The following FRS2 variants were observed in gnomAD, a reference collection of about 807,000 sequenced individuals.
FRS2 encodes fibroblast growth factor receptor substrate 2.
In FRS2, 8 loss-of-function variants were observed where a neutral mutation model predicts 43.9. That is an observed-to-expected ratio of 0.18 (90% CI 0.11 to 0.33). The LOEUF (loss-of-function observed/expected upper bound fraction) is 0.33. Ranked by LOEUF, FRS2 falls within the 10% of genes least tolerant of loss-of-function variation. The probability of loss-of-function intolerance (pLI) is 1.00; values close to 1 mark genes in which losing one functional copy is unlikely to be tolerated. For synonymous variants in FRS2, 219 were observed against 220.3 expected (o/e 0.99, Z 0.05); for missense variants, 534 against 627.6 (o/e 0.85, Z 1.59).
chr12:69,487,504 A>G (rs1872064076), intron 1 of FRS2, among the ~76,000 whole-genome samples: 1 of 152,236 alleles, frequency 6.6e-6, no homozygotes. Context: ...CCTACTGCCC[A>G]GAAGAAAAGA....
In FRS2 at chr12:69,572,154, A is replaced by G. The variant is rs868334433; in HGVS notation, c.449A>G (p.Tyr150Cys). 1.9e-6 allele frequency: 3 copies of G among 1,613,868 alleles called. No individual in the cohort carries two copies. The Middle Eastern group carries it at 4.9e-4, about 266-fold the overall frequency. ...GCTGCTCAGAACTTACCTAATGGATATCCCCGATATCCCTCATTTGGAGAT... is the reference window on the plus strand; with the variant it reads ...GCTGCTCAGAACTTACCTAATGGATGTCCCCGATATCCCTCATTTGGAGAT... ...GFAAQNLPNG[Y>C]PRYPSFGDAS... Residue 150 changes from tyrosine to cysteine, a missense_variant, in exon 8 of 9, where the codon TAT becomes TGT. Transcript: ENST00000549921.
intron 1 of FRS2, among the ~76,000 whole-genome samples, chr12:69,511,774 T>C (rs1874479881): frequency 6.6e-6 from 1 of 152,228 alleles, no homozygotes; most frequent in Non-Finnish European, 1.5e-5. Flanking sequence ...TTCTTCCATC[T>C]ATAAAATGGG....
intron 1 of FRS2, among the ~76,000 whole-genome samples, chr12:69,485,950 T>A (rs1038532373): frequency 4.6e-5 from 7 of 152,348 alleles, no homozygotes; most frequent in South Asian, 2.1e-4. Context: ...AACATTTTTT[T>A]ATTTTAACTA....
chr12:69,518,159 T>C (rs1875244820), intron 1 of FRS2, among the ~76,000 whole-genome samples: 3 of 152,214 alleles, frequency 2.0e-5, no homozygotes, highest in Admixed American at 6.5e-5. Flanking sequence ...CTTTGAGATA[T>C]GGATTTATTG....
intron 4 of FRS2, among the ~76,000 whole-genome samples, chr12:69,568,271 G>A (rs577484632): frequency 2.6e-5 from 4 of 152,274 alleles, no homozygotes; most frequent in East Asian, 1.9e-4. Context: ...TGCGCTATTC[G>A]AAATTTGATT....
intron 3 of FRS2, 66 bp from the exon 4 acceptor site, chr12:69,562,114 G>A (rs961484355): frequency 2.5e-6 from 1 of 395,566 alleles, no homozygotes; most frequent in Non-Finnish European, 4.5e-6. Flanking sequence ...TGTGCTGCCA[G>A]AAAGCTCATA....
intron 3 of FRS2, among the ~76,000 whole-genome samples, chr12:69,553,228 C>T (rs1322340930): frequency 2.6e-5 from 4 of 151,942 alleles, no homozygotes; most frequent in African/African-American, 4.8e-5. Flanking sequence ...CCCACCTCCA[C>T]GCCCGGCTAA....
intron 1 of FRS2, among the ~76,000 whole-genome samples, chr12:69,511,611 A>G (rs974765391): frequency 3.3e-5 from 5 of 152,298 alleles, no homozygotes; most frequent in Admixed American, 6.5e-5. Flanking sequence ...GTGGATTTAC[A>G]TGGAGATGAA....
rs567919260 is a variant in FRS2, at chr12:69,477,886, G to A, written c.-261+7356G>A. On this transcript the variant is annotated intron_variant, in intron 1 of 8. Transcript: ENST00000549921. ...CTCCCGAATAGCTGGGACTACAGGC[G>A]CCCACCACCACGCCCGGCTAATTTT... Among the ~76,000 whole-genome samples, 294 of 151,206 alleles carry A rather than the reference G, an allele frequency of 1.9e-3. 1 individual carries two copies. Among genetic ancestry groups the A allele is most frequent in the Middle Eastern group, 0.014 (4 of 294 alleles).
rs556080506 is a variant in FRS2 at position 69,498,572 on chromosome 12, G to GT, written c.-261+28051dup. On this transcript the variant is annotated intron_variant, in intron 1 of 8. Coordinates refer to ENST00000549921, the MANE Select transcript of FRS2 (RefSeq NM_001278356.2). ...GTGTGTTTGGTTTTTTGTTTGTTTC[G>GT]TTTTTTTTTAGCTCATCAGCTCTTG... is the stretch of plus-strand genomic sequence containing the variant. 7.2e-4 allele frequency among the ~76,000 whole-genome samples: 82 copies of GT among 114,422 alleles called. No individual in the cohort carries two copies. In the South Asian group the frequency reaches 8.1e-3, roughly 11 times the overall value. 75.1% of individuals were successfully genotyped at this position (114,422 alleles called of 152,430 possible).
chr12:69,472,293 A>G (rs1179883261), intron 1 of FRS2, among the ~76,000 whole-genome samples: 2 of 137,220 alleles, frequency 1.5e-5, no homozygotes, highest in African/African-American at 5.6e-5. Context: ...AGGTTTCACT[A>G]TGTTGCCCAG....
At chr12:69,532,618 G>A (rs564118915) in intron 3 of FRS2, among the ~76,000 whole-genome samples, 2 of 152,210 alleles carry the variant, frequency 1.3e-5, no homozygotes, top group Non-Finnish European at 2.9e-5. Flanking sequence ...CCTCCTAAAG[G>A]TCCCGTCTCT....
At chr12:69,543,196 G>A (rs1878072071) in intron 3 of FRS2, among the ~76,000 whole-genome samples, 1 of 152,076 alleles carries the variant, frequency 6.6e-6, no homozygotes, top group South Asian at 2.1e-4. Flanking sequence ...ATAATTTTGA[G>A]CCCCATTTTT....
At chr12:69,542,216 T>G (rs1877978660) in intron 3 of FRS2, among the ~76,000 whole-genome samples, 1 of 152,192 alleles carries the variant, frequency 6.6e-6, no homozygotes, top group African/African-American at 2.4e-5. Flanking sequence ...AGTGAAAATG[T>G]GCGTGCTGTC....
intron 1 of FRS2, among the ~76,000 whole-genome samples, chr12:69,528,158 AC>A (rs1238685677): frequency 5.9e-5 from 9 of 152,120 alleles, no homozygotes; most frequent in Non-Finnish European, 1.0e-4. Context: ...CTCTCTTAAG[AC>A]CCTGAAGTTT....
chr12:69,543,556 T>A (rs1376838451), intron 3 of FRS2, among the ~76,000 whole-genome samples: 1 of 152,188 alleles, frequency 6.6e-6, no homozygotes, highest in African/African-American at 2.4e-5. Flanking sequence ...GTAAGTCATT[T>A]GGAGAATGAT....
chr12:69,483,670 A>G (rs1016260186), intron 1 of FRS2, among the ~76,000 whole-genome samples: 1 of 152,132 alleles, frequency 6.6e-6, no homozygotes, highest in Non-Finnish European at 1.5e-5. Context: ...AGTTGTTGCT[A>G]TCATAAGAAA....
intron 5 of FRS2, among the ~76,000 whole-genome samples, chr12:69,570,074 C>T (rs1185666642): frequency 6.6e-6 from 1 of 152,196 alleles, no homozygotes; most frequent in Non-Finnish European, 1.5e-5. Flanking sequence ...CTGCCTTCTG[C>T]AGCCTCTGTT....
At chr12:69,494,845 C>G (rs915432055) in intron 1 of FRS2, among the ~76,000 whole-genome samples, 7 of 152,174 alleles carry the variant, frequency 4.6e-5, no homozygotes, top group Non-Finnish European at 1.0e-4. Context: ...GCACTCTCGG[C>G]TCGCTGCAAC....
Sources: gnomAD v4.1 joint callset for allele counts (sites outside exome capture counted in the v4.1 genomes callset) on GRCh38, gnomAD v4.1.1 for gene constraint, MANE v1.5 for transcripts, NCBI Gene and HGNC (gene_info 2026-07-23, HGNC 2026-07-21) for gene names.